Variants in MTCL1 observed in about 807,000 individuals in gnomAD.
MTCL1 encodes microtubule crosslinking factor 1.
A neutral mutation model predicts 141.4 loss-of-function variants in MTCL1; 79 were observed. The observed-to-expected ratio is 0.56, with a 90% CI of 0.47 to 0.67. The LOEUF (loss-of-function observed/expected upper bound fraction) is 0.67, where lower values mean the gene tolerates loss of function less well. MTCL1 is among the 30% of genes least tolerant of loss of function. The pLI, the probability that MTCL1 is intolerant of heterozygous loss-of-function variation, is 0.00. For synonymous variants in MTCL1, 914 were observed against 875.8 expected, an observed-to-expected ratio of 1.04 and a Z score of -0.77; for missense variants, 2,177 against 2,113.9, an observed-to-expected ratio of 1.03 and a Z score of -0.59.
At chr18:8,777,926 C>G (rs1451181462) in intron 5 of MTCL1, 34 bp downstream of exon 4, 2 of 1,585,298 alleles carry the variant, frequency 1.3e-6, no homozygotes, top group East Asian at 2.2e-5. Flanking sequence ...TGTTACATCT[C>G]CTATAAGTGA....
chr18:8,807,090 T>C (rs1349887475), intron 11 of MTCL1, 30 bp downstream of exon 10: 1 of 1,596,526 alleles, frequency 6.3e-7, no homozygotes, highest in South Asian at 1.1e-5. Flanking sequence ...CCCTCGATCC[T>C]GACTGTGTGT....
upstream of MTCL1, among the ~76,000 whole-genome samples, chr18:8,714,713 G>A (rs1033854030): frequency 2.0e-5 from 3 of 152,178 alleles, no homozygotes; most frequent in Non-Finnish European, 4.4e-5. Flanking sequence ...CCTGTGACAC[G>A]TGAGGATTAT....
At chr18:8,831,990 G>A (rs1267171056) in exon 17 of MTCL1, 5 of 713,558 alleles carry the variant, frequency 7.0e-6, no homozygotes, top group Non-Finnish European at 1.1e-5. Context: ...AACAGTAAAT[G>A]TGCCTGTAAT....
intron 1 of MTCL1, among the ~76,000 whole-genome samples, chr18:8,708,552 C>T (rs2096070023): frequency 1.3e-5 from 2 of 152,198 alleles, no homozygotes; most frequent in South Asian, 4.1e-4. Context: ...TAAGAGGTGG[C>T]ACCTGCGTTT....
intron 10 of MTCL1, 71 bp from the exon 10 acceptor site, chr18:8,806,822 G>T: frequency 2.9e-6 from 4 of 1,367,658 alleles, no homozygotes; most frequent in Non-Finnish European, 3.9e-6. Context: ...TTGATAGCCA[G>T]ATCCTCTCCT....
intron 4 of MTCL1, among the ~76,000 whole-genome samples, chr18:8,738,690 T>G (rs948253076): frequency 1.4e-4 from 21 of 152,224 alleles, no homozygotes; most frequent in African/African-American, 4.8e-4. Context: ...AAAGTCAGGT[T>G]AGACCTACCT....
intron 9 of MTCL1, among the ~76,000 whole-genome samples, chr18:8,797,823 A>G (rs1292273567): frequency 1.3e-5 from 2 of 152,234 alleles, no homozygotes; most frequent in Admixed American, 6.5e-5. Context: ...TTTAACTTAT[A>G]AAACCATAGC....
chr18:8,708,533 T>G (rs1210141744), intron 1 of MTCL1, among the ~76,000 whole-genome samples: 1 of 152,154 alleles, frequency 6.6e-6, no homozygotes, highest in Non-Finnish European at 1.5e-5. Flanking sequence ...GCCAAGGTCA[T>G]AGAGTGAGTA....
At chr18:8,784,599 A>G (rs986149227) in exon 6 of MTCL1, 2 of 1,612,210 alleles carry the variant, frequency 1.2e-6, no homozygotes, top group Admixed American at 3.3e-5. Context: ...CCTGGCCTCC[A>G]GGGCGAAGAG....
In MTCL1 at chr18:8,792,272, A is replaced by T. The variant is rs112634635; in HGVS notation, c.1888-726A>T. The stretch of plus-strand genomic sequence containing the variant: ...TTTCCATCTCTAAAAAGCACATTTC[A>T]TGTGCCTGACTCCTCTATCATGGCA... On this transcript the variant is annotated intron_variant, in intron 7 of 16. Coordinates refer to ENST00000359865, the Ensembl canonical transcript of MTCL1. 7.2e-3 allele frequency among the ~76,000 whole-genome samples: 1,100 copies of T among 152,322 alleles called. 16 individuals carry two copies. The highest frequency in any genetic ancestry group is 0.025 in the African/African-American group (1,023 of 41,580).
At chr18:8,821,732 T>G (rs918359545) in intron 14 of MTCL1, among the ~76,000 whole-genome samples, 1 of 152,336 alleles carries the variant, frequency 6.6e-6, no homozygotes. Context: ...GTAAGGACTT[T>G]CCAGTTGTTG....
At chr18:8,806,970 G>T in exon 11 of MTCL1, 4 of 1,613,802 alleles carry the variant, frequency 2.5e-6, no homozygotes, top group Non-Finnish European at 3.4e-6. Flanking sequence ...GGGAGGATGA[G>T]CGTGCCCGAC....
chr18:8,772,993 C>T (rs1465254649), intron 4 of MTCL1, among the ~76,000 whole-genome samples: 2 of 152,102 alleles, frequency 1.3e-5, no homozygotes, highest in African/African-American at 4.8e-5. Context: ...CTGTAGCAAT[C>T]ATTTCACTAT....
chr18:8,800,980 A>T (rs1469991902), intron 10 of MTCL1, among the ~76,000 whole-genome samples: 5 of 151,568 alleles, frequency 3.3e-5, no homozygotes, highest in Non-Finnish European at 7.4e-5. Context: ...ATTGTGTTTC[A>T]TATTTAAGTC....
intron 4 of MTCL1, among the ~76,000 whole-genome samples, chr18:8,774,067 C>G (rs367773305): frequency 6.6e-6 from 1 of 152,188 alleles, no homozygotes; most frequent in East Asian, 1.9e-4. Flanking sequence ...ACTCCGCCCT[C>G]GCAGTGGAGA....
intron 4 of MTCL1, among the ~76,000 whole-genome samples, chr18:8,737,663 T>C (rs77220812): frequency 0.013 from 1,969 of 152,328 alleles, 15 homozygotes; most frequent in Non-Finnish European, 0.021. Flanking sequence ...GGGAATGCTT[T>C]ATAAACGATG....
intron 11 of MTCL1, chr18:8,809,489 T>C (rs762030681): frequency 2.0e-6 from 3 of 1,536,052 alleles, no homozygotes; most frequent in South Asian, 2.4e-5. Context: ...AGGAGGAGAC[T>C]TTAGGCTTCA....
At chr18:8,827,992 C>T (rs536507329) in intron 15 of MTCL1, among the ~76,000 whole-genome samples, 6 of 152,186 alleles carry the variant, frequency 3.9e-5, no homozygotes, top group African/African-American at 7.2e-5. Flanking sequence ...GGCCTCAGAG[C>T]GGGCATGGAG....
chr18:8,724,429 T>G (rs1286630580), intron 4 of MTCL1, among the ~76,000 whole-genome samples: 1 of 152,032 alleles, frequency 6.6e-6, no homozygotes, highest in Admixed American at 6.6e-5. Context: ...CAAAACAAAA[T>G]AAAAACATTT....
Sources: allele counts gnomAD v4.1 joint callset (sites outside exome capture counted in the v4.1 genomes callset), GRCh38; gene constraint gnomAD v4.1.1; transcripts MANE v1.5; gene names NCBI Gene and HGNC (gene_info 2026-07-23, HGNC 2026-07-21).